Variants in MACROD2 observed in about 807,000 individuals in gnomAD.
MACROD2 encodes the protein mono-ADP ribosylhydrolase 2.
A neutral mutation model predicts 70.4 loss-of-function variants in MACROD2; 36 were observed. The observed-to-expected ratio is 0.51, with a 90% CI of 0.39 to 0.68. MACROD2 has a LOEUF of 0.68. MACROD2 is among the 30% of genes least tolerant of loss of function. The probability of loss-of-function intolerance (pLI) is 0.00; values close to 1 mark genes in which losing one functional copy is unlikely to be tolerated. For synonymous variants in MACROD2, 172 were observed against 178.8 expected, an observed-to-expected ratio of 0.96 and a Z score of 0.30; for missense variants, 496 against 538.4, an observed-to-expected ratio of 0.92 and a Z score of 0.78.
intron 5 of MACROD2, among the ~76,000 whole-genome samples, chr20:14,788,480 G>A (rs117399278): frequency 0.044 from 6,622 of 150,892 alleles, 208 homozygotes; most frequent in Non-Finnish European, 0.06. Flanking sequence ...CAGCTACTCC[G>A]GAGGCTAAGG....
chr20:15,581,767 C>T (rs542737472), intron 8 of MACROD2, among the ~76,000 whole-genome samples: 6 of 152,270 alleles, frequency 3.9e-5, no homozygotes, highest in Admixed American at 2.6e-4. Context: ...TGGCTGTTGC[C>T]AGCTCTGCAG....
At chr20:15,797,101 TTTTGTTTGTTTG>T (rs754664130) in intron 8 of MACROD2, among the ~76,000 whole-genome samples, 1 of 151,982 alleles carries the variant, frequency 6.6e-6, no homozygotes, top group Admixed American at 6.6e-5. Context: ...AGGGTTCTTT[TTTTGTTTGTTTG>T]TTTGTTTGTT....
chr20:14,735,398 A>G (rs556978022), intron 5 of MACROD2, among the ~76,000 whole-genome samples: 1 of 152,340 alleles, frequency 6.6e-6, no homozygotes, highest in East Asian at 1.9e-4. Flanking sequence ...AGGCGTCCAC[A>G]CTGTCAGTCA....
intron 12 of MACROD2, among the ~76,000 whole-genome samples, chr20:15,947,085 A>T (rs1206555721): frequency 6.6e-6 from 1 of 152,196 alleles, no homozygotes; most frequent in Non-Finnish European, 1.5e-5. Flanking sequence ...CTCCCGCCAC[A>T]GGGCGGTTTT....
chr20:15,064,955 A>G (rs2075562176), intron 5 of MACROD2, among the ~76,000 whole-genome samples: 1 of 152,212 alleles, frequency 6.6e-6, no homozygotes, highest in Non-Finnish European at 1.5e-5. Context: ...TCCATATCAC[A>G]TAAAGTTAAG....
chr20:14,953,547 C>A (rs374019553), intron 5 of MACROD2, among the ~76,000 whole-genome samples: 1 of 152,034 alleles, frequency 6.6e-6, no homozygotes, highest in African/African-American at 2.4e-5. Flanking sequence ...CCTCATGGTC[C>A]GCCCACCTCG....
chr20:14,614,167 T>G (rs1983336938), intron 4 of MACROD2, among the ~76,000 whole-genome samples: 1 of 152,148 alleles, frequency 6.6e-6, no homozygotes, highest in Non-Finnish European at 1.5e-5. Context: ...CCTAACTAAC[T>G]GTGTGACCTT....
At chr20:14,834,087 TATTA>T (rs990436262) in intron 5 of MACROD2, among the ~76,000 whole-genome samples, 1 of 152,102 alleles carries the variant, frequency 6.6e-6, no homozygotes, top group African/African-American at 2.4e-5. Context: ...CTACATAATA[TATTA>T]GAGTGTTGCT....
At chr20:15,423,031 A>G (rs1368977375) in intron 6 of MACROD2, among the ~76,000 whole-genome samples, 1 of 152,244 alleles carries the variant, frequency 6.6e-6, no homozygotes, top group Admixed American at 6.5e-5. Context: ...GAAACTTTGT[A>G]TCATTGTCAT....
intron 8 of MACROD2, among the ~76,000 whole-genome samples, chr20:15,673,497 T>C (rs1455123946): frequency 6.6e-6 from 1 of 152,162 alleles, no homozygotes; most frequent in African/African-American, 2.4e-5. Flanking sequence ...AATCCCAATC[T>C]TCATAAGTGG....
intron 8 of MACROD2, among the ~76,000 whole-genome samples, chr20:15,670,108 C>G (rs1434487397): frequency 1.3e-5 from 2 of 152,184 alleles, no homozygotes; most frequent in African/African-American, 2.4e-5. Context: ...TATGTAGTAC[C>G]TTTCTCTGGC....
chr20:14,051,456 A>AT (rs1292258828), intron 2 of MACROD2, among the ~76,000 whole-genome samples: 3 of 152,114 alleles, frequency 2.0e-5, no homozygotes, highest in African/African-American at 7.2e-5. Flanking sequence ...ACAGAAGTAT[A>AT]TTTTCACACA....
chr20:14,188,596 T>C (rs541543714), intron 3 of MACROD2, among the ~76,000 whole-genome samples: 2 of 152,256 alleles, frequency 1.3e-5, no homozygotes, highest in East Asian at 3.9e-4. Flanking sequence ...TTTTTTCAGT[T>C]TCCCCACATG....
chr20:14,874,194 T>C (rs770775535), intron 5 of MACROD2, among the ~76,000 whole-genome samples: 21 of 152,152 alleles, frequency 1.4e-4, no homozygotes, highest in Non-Finnish European at 2.6e-4. Flanking sequence ...AACATTTGCA[T>C]AATTTTTAAA....
intron 3 of MACROD2, among the ~76,000 whole-genome samples, chr20:14,174,327 T>G (rs1290134618): frequency 1.3e-5 from 2 of 152,134 alleles, no homozygotes; most frequent in East Asian, 3.9e-4. Context: ...AGACTCTTCT[T>G]GGGCGGGTCT....
At chr20:14,325,240 AG>A (rs2082715119) in intron 3 of MACROD2, 1 of 192,478 alleles carries the variant, frequency 5.2e-6, no homozygotes. Flanking sequence ...ACAGTCAACA[AG>A]TCATCTTACT....
Position 14,851,126 on chromosome 20 carries a change from T to C in MACROD2, c.418+166167T>C, listed in dbSNP as rs2073195100. 2.0e-5 allele frequency among the ~76,000 whole-genome samples: 3 copies of C among 152,156 alleles called. No homozygotes were observed. In the South Asian group the frequency reaches 6.2e-4, roughly 32 times the overall value. Reference sequence around the variant, plus strand: ...AAAAATACACAAAGTAAGTTGTCATTGAGGGAAAGAGTTAAAAAGAATCAC... The same window carrying C: ...AAAAATACACAAAGTAAGTTGTCATCGAGGGAAAGAGTTAAAAAGAATCAC... On this transcript the variant is annotated intron_variant, in intron 5 of 17. Transcript: ENST00000684519.
At chr20:15,808,707 G>A (rs1429357631) in intron 8 of MACROD2, among the ~76,000 whole-genome samples, 3 of 152,106 alleles carry the variant, frequency 2.0e-5, no homozygotes, top group African/African-American at 7.2e-5. Context: ...AAAGGATCTA[G>A]TCTCAAAGTA....
At chr20:15,369,013 G>C (rs1371911486) in intron 6 of MACROD2, among the ~76,000 whole-genome samples, 2 of 152,148 alleles carry the variant, frequency 1.3e-5, no homozygotes, top group Non-Finnish European at 2.9e-5. Context: ...TATGTGAATA[G>C]AGTATATGTC....
Sources: gnomAD v4.1 joint callset for allele counts (sites outside exome capture counted in the v4.1 genomes callset) on GRCh38, gnomAD v4.1.1 for gene constraint, MANE v1.5 for transcripts, NCBI Gene and HGNC (gene_info 2026-07-23, HGNC 2026-07-21) for gene names.